TLE1: variants seen among roughly 807,000 people sequenced by gnomAD.
The protein encoded by TLE1 is TLE family member 1, transcriptional corepressor, also known as transducin-like enhancer protein 1.
Under a neutral mutation model 89.8 loss-of-function variants are expected in TLE1, and 21 were observed. The observed-to-expected ratio is 0.23, with a 90% confidence interval of 0.17 to 0.34. The LOEUF (loss-of-function observed/expected upper bound fraction) is 0.34. TLE1 is among the 10% of genes least tolerant of loss of function. The pLI is 1.00. For synonymous variants in TLE1, 447 were observed against 407.6 expected, an observed-to-expected ratio of 1.10 and a Z score of -1.16; for missense variants, 795 against 1,031.2, an observed-to-expected ratio of 0.77 and a Z score of 3.14.
At chr9:81,641,090 G>A (rs1296786653) in intron 6 of TLE1, among the ~76,000 whole-genome samples, 1 of 152,050 alleles carries the variant, frequency 6.6e-6, no homozygotes, top group African/African-American at 2.4e-5. Flanking sequence ...TTCTTTTAAG[G>A]GGACAAAAAC....
intron 6 of TLE1, among the ~76,000 whole-genome samples, chr9:81,636,530 A>AGAGAGGC (rs1827386812): frequency 6.6e-6 from 1 of 152,002 alleles, no homozygotes; most frequent in Non-Finnish European, 1.5e-5. Context: ...AAAGAAGATG[A>AGAGAGGC]GAGAGGCTAA....
rs557957493 is a variant in TLE1 at position 81,670,664 on chromosome 9, T to C, written c.234+15012A>G. ...AGAAGCAACAATTGTTACTTATTCC[T>C]TATTAACTTTGAGCAATTTCAGCAC... is the stretch of plus-strand genomic sequence containing the variant. On this transcript the variant is annotated intron_variant, in intron 4 of 19. Transcript: ENST00000376499. Among the ~76,000 whole-genome samples, 4 of 151,546 alleles carry C rather than the reference T, an allele frequency of 2.6e-5. No homozygotes were observed. The South Asian group carries it at 8.3e-4, about 31-fold the overall frequency.
At chr9:81,634,404 G>T (rs1013325370) in intron 6 of TLE1, 103 bp from the exon 7 acceptor site, 42 of 967,194 alleles carry the variant, frequency 4.3e-5, no homozygotes, top group Non-Finnish European at 5.8e-5. Context: ...GACATGACAG[G>T]AGGGGAAGGC....
At chr9:81,639,434 C>G (rs1279305541) in intron 6 of TLE1, among the ~76,000 whole-genome samples, 1 of 152,104 alleles carries the variant, frequency 6.6e-6, no homozygotes, top group Non-Finnish European at 1.5e-5. Flanking sequence ...TTCAACATGA[C>G]AGGAAGGATG....
intron 8 of TLE1, among the ~76,000 whole-genome samples, chr9:81,628,296 G>A (rs973944059): frequency 3.9e-5 from 6 of 152,084 alleles, no homozygotes; most frequent in African/African-American, 1.4e-4. Context: ...GACTAGGAAG[G>A]CACAAAAGGA....
At chr9:81,614,420 C>G (rs1166550215) in intron 11 of TLE1, among the ~76,000 whole-genome samples, 4 of 152,158 alleles carry the variant, frequency 2.6e-5, no homozygotes, top group Non-Finnish European at 4.4e-5. Context: ...TGAACACCAG[C>G]AAGGGGCCTT....
chr9:81,667,345 G>A (rs998236415), intron 4 of TLE1, among the ~76,000 whole-genome samples: 2 of 142,750 alleles, frequency 1.4e-5, no homozygotes, highest in African/African-American at 5.3e-5. Flanking sequence ...GCAGTGAGCC[G>A]AGAGATCACT....
rs1048834772 is a variant in TLE1 at position 81,666,710 on chromosome 9, G to A, written c.235-12674C>T. 3.9e-5 allele frequency among the ~76,000 whole-genome samples: 6 copies of A among 152,036 alleles called. No homozygotes were observed. In the East Asian group the frequency reaches 1.2e-3, roughly 30 times the overall value. ...GAATCGCTTGAACCCGGGAAGCGGA[G>A]GTTGCAATGAGCCAAGATCATGCCA... On this transcript the variant is annotated intron_variant, in intron 4 of 19. Transcript: ENST00000376499.
At chr9:81,638,705 A>G (rs1367413261) in intron 6 of TLE1, among the ~76,000 whole-genome samples, 2 of 151,118 alleles carry the variant, frequency 1.3e-5, no homozygotes, top group East Asian at 2.0e-4. Flanking sequence ...GCTCACTACA[A>G]TCTCCTCCTT....
intron 12 of TLE1, chr9:81,612,526 C>T (rs1276211656): frequency 5.0e-6 from 1 of 199,720 alleles, no homozygotes; most frequent in East Asian, 1.8e-4. Flanking sequence ...TTTTTAAGGG[C>T]TGGAGTCGCA....
intron 6 of TLE1, among the ~76,000 whole-genome samples, chr9:81,645,601 G>A (rs953509735): frequency 1.3e-4 from 19 of 151,670 alleles, no homozygotes; most frequent in South Asian, 2.1e-4. Context: ...TTAGCCAGGC[G>A]TGGTGGCACA....
intron 4 of TLE1, among the ~76,000 whole-genome samples, chr9:81,680,911 G>A (rs1453107459): frequency 1.4e-5 from 2 of 145,704 alleles, no homozygotes; most frequent in African/African-American, 5.1e-5. Context: ...AGAAACTGTA[G>A]ACAAAAACAC....
Position 81,660,934 on chromosome 9 carries a change from AACACACACACAC to A in TLE1, c.235-6910_235-6899del, listed in dbSNP as rs548190067. On this transcript the variant is annotated intron_variant, in intron 4 of 19. Coordinates refer to ENST00000376499, the MANE Select transcript of TLE1 (RefSeq NM_005077.5). ...ACACGGTGAAACCCCATCCCTACTA[AACACACACACAC>A]ACACACACACACACACACACACACA... is the stretch of plus-strand genomic sequence containing the variant. Among the ~76,000 whole-genome samples, 703 of 88,846 alleles carry A rather than the reference AACACACACACAC, an allele frequency of 7.9e-3. 14 individuals are homozygous for A. Among genetic ancestry groups the A allele is most frequent in the African/African-American group, 0.028 (650 of 23,422 alleles). 58.3% of individuals were successfully genotyped at this position (88,846 alleles called of 152,430 possible). A position where few individuals can be genotyped will look rare whatever the true frequency, so the allele number is the denominator to read the frequency against.
At chr9:81,671,540 G>A (rs1447307661) in intron 4 of TLE1, among the ~76,000 whole-genome samples, 2 of 151,920 alleles carry the variant, frequency 1.3e-5, no homozygotes, top group Non-Finnish European at 2.9e-5. Flanking sequence ...AGCTACTCGA[G>A]AGGCCAAGGC....
At chr9:81,649,769 A>G (rs539230782) in intron 6 of TLE1, among the ~76,000 whole-genome samples, 74 of 152,212 alleles carry the variant, frequency 4.9e-4, no homozygotes, top group African/African-American at 1.7e-3. Context: ...CCCTCTGGGG[A>G]GACAGGTTGA....
At chr9:81,645,900 TAA>T (rs1253466874) in intron 6 of TLE1, among the ~76,000 whole-genome samples, 1 of 152,148 alleles carries the variant, frequency 6.6e-6, no homozygotes, top group Non-Finnish European at 1.5e-5. Flanking sequence ...ATAAAAAATT[TAA>T]AAACACACAG....
intron 18 of TLE1, among the ~76,000 whole-genome samples, chr9:81,584,973 T>C (rs934550409): frequency 6.6e-6 from 1 of 151,000 alleles, no homozygotes; most frequent in East Asian, 1.9e-4. Context: ...CACCCATCCA[T>C]CCATCCATCC....
intron 8 of TLE1, among the ~76,000 whole-genome samples, chr9:81,621,237 A>G (rs1016679727): frequency 6.6e-6 from 1 of 152,206 alleles, no homozygotes. Context: ...ATGACACAGG[A>G]TACTTTCATT....
intron 4 of TLE1, among the ~76,000 whole-genome samples, chr9:81,684,499 AG>A (rs1834014025): frequency 6.6e-6 from 1 of 152,236 alleles, no homozygotes; most frequent in Non-Finnish European, 1.5e-5. Context: ...TAAAAATCAA[AG>A]AGTGCGGAGT....
Sources: allele counts gnomAD v4.1 joint callset (sites outside exome capture counted in the v4.1 genomes callset), GRCh38; gene constraint gnomAD v4.1.1; transcripts MANE v1.5; gene names NCBI Gene and HGNC (gene_info 2026-07-23, HGNC 2026-07-21).